The following COMMD1 variants were observed in gnomAD, a reference collection of about 807,000 sequenced individuals.
COMMD1 encodes copper metabolism domain containing 1, also known as COMM domain-containing protein 1.
COMMD1 carries 10 observed loss-of-function variants against 17.2 expected under a neutral mutation model. That is an observed-to-expected ratio of 0.58 (90% CI 0.36 to 0.99). The LOEUF is 0.99. COMMD1 is among the 50% of genes least tolerant of loss of function. The pLI is 0.01. For missense variants in COMMD1, 270 were observed against 231.8 expected (o/e 1.17, Z -1.07); for synonymous variants, 97 against 91.6 (o/e 1.06, Z -0.34).
intron 2 of COMMD1, among the ~76,000 whole-genome samples, chr2:62,067,874 C>A (rs1052006747): frequency 6.6e-6 from 1 of 152,142 alleles, no homozygotes; most frequent in Non-Finnish European, 1.5e-5. Flanking sequence ...CTCAGTATGC[C>A]AAGGTGCCGT....
At chr2:61,941,534 A>G (rs1050931123) in intron 1 of COMMD1, among the ~76,000 whole-genome samples, 11 of 152,240 alleles carry the variant, frequency 7.2e-5, no homozygotes, top group African/African-American at 2.4e-4. Flanking sequence ...TGGCTTGCAT[A>G]TGAAGCATAT....
chr2:61,916,613 G>A (rs1014080640), intron 1 of COMMD1, among the ~76,000 whole-genome samples: 27 of 151,352 alleles, frequency 1.8e-4, no homozygotes, highest in African/African-American at 5.3e-4. Flanking sequence ...TTTTTTTAGC[G>A]ACAGGGTCTC....
At chr2:62,077,219 G>C (rs1671371697) in intron 2 of COMMD1, among the ~76,000 whole-genome samples, 1 of 152,164 alleles carries the variant, frequency 6.6e-6, no homozygotes, top group South Asian at 2.1e-4. Flanking sequence ...GACTTGCTCT[G>C]TTAAATTTGG....
intron 2 of COMMD1, among the ~76,000 whole-genome samples, chr2:62,063,176 C>A (rs920081849): frequency 2.0e-5 from 3 of 152,088 alleles, no homozygotes; most frequent in Non-Finnish European, 4.4e-5. Flanking sequence ...GAGATCGCAC[C>A]ACTGCACTCC....
chr2:61,905,070 GTTATA>G (rs987622437), upstream of COMMD1, among the ~76,000 whole-genome samples: 8 of 152,312 alleles, frequency 5.3e-5, no homozygotes, highest in African/African-American at 1.9e-4. Context: ...TGGGTGGGAA[GTTATA>G]TTAGCTATGC....
intron 1 of COMMD1, among the ~76,000 whole-genome samples, chr2:61,966,627 T>C (rs1671512526): frequency 1.3e-5 from 2 of 152,072 alleles, no homozygotes; most frequent in South Asian, 4.1e-4. Context: ...GAAGCCTTAT[T>C]ATTTTATCAC....
intron 2 of COMMD1, among the ~76,000 whole-genome samples, chr2:62,097,334 C>T (rs1397136436): frequency 6.6e-6 from 1 of 152,070 alleles, no homozygotes; most frequent in Non-Finnish European, 1.5e-5. Context: ...GGGCTATTGC[C>T]TTACGTTTGG....
At chr2:62,102,185 A>G (rs543831711) in intron 2 of COMMD1, among the ~76,000 whole-genome samples, 2 of 152,356 alleles carry the variant, frequency 1.3e-5, no homozygotes, top group East Asian at 3.9e-4. Flanking sequence ...CACCTGAAGT[A>G]TGAAGTCCTA....
intron 2 of COMMD1, among the ~76,000 whole-genome samples, chr2:62,097,724 C>T (rs1672050507): frequency 6.6e-6 from 1 of 152,156 alleles, no homozygotes; most frequent in Non-Finnish European, 1.5e-5. Context: ...TTTGAAACCC[C>T]TACCATTTGG....
At chr2:62,038,705 C>T (rs990584518) in intron 2 of COMMD1, among the ~76,000 whole-genome samples, 3 of 151,980 alleles carry the variant, frequency 2.0e-5, no homozygotes, top group Non-Finnish European at 4.4e-5. Context: ...TACATCACCA[C>T]GCCTGGCTAA....
At chr2:62,034,416 C>A (rs1203603594) in intron 2 of COMMD1, among the ~76,000 whole-genome samples, 1 of 152,124 alleles carries the variant, frequency 6.6e-6, no homozygotes, top group African/African-American at 2.4e-5. Context: ...ATTGCTTGAA[C>A]CCGGGAGGCA....
In COMMD1 at chr2:62,059,042, T is replaced by C. The variant is rs138259256; in HGVS notation, c.462+58060T>C. ...ATCCACCCACCTTATCCTCCCAAAGTGTTGGGATTGCAGGCGTGAGCCACC... is the reference window on the plus strand; with the variant it reads ...ATCCACCCACCTTATCCTCCCAAAGCGTTGGGATTGCAGGCGTGAGCCACC... On this transcript the variant is annotated intron_variant, in intron 2 of 2. Coordinates refer to ENST00000311832, the MANE Select transcript of COMMD1 (RefSeq NM_152516.4). Among the ~76,000 whole-genome samples the C allele has an allele frequency of 8.0e-3, 1,217 of 152,306 alleles. 25 individuals are homozygous for C. Among genetic ancestry groups the C allele is most frequent in the African/African-American group, 0.027 (1,141 of 41,576 alleles).
At chr2:62,054,861 C>T (rs191056029) in intron 2 of COMMD1, among the ~76,000 whole-genome samples, 1 of 151,922 alleles carries the variant, frequency 6.6e-6, no homozygotes, top group Non-Finnish European at 1.5e-5. Flanking sequence ...TAAATTGGTA[C>T]AAATAAAAAG....
intron 1 of COMMD1, among the ~76,000 whole-genome samples, chr2:61,890,967 A>G (rs1669416201): frequency 6.6e-6 from 1 of 152,182 alleles, no homozygotes; most frequent in African/African-American, 2.4e-5. Flanking sequence ...TAGACAACTG[A>G]TGTAATATGT....
rs113550221 is a variant in COMMD1 at position 62,066,086 on chromosome 2, G to A, written c.462+65104G>A. Among the ~76,000 whole-genome samples the A allele has an allele frequency of 7.3e-3, 1,108 of 152,146 alleles. 16 individuals carry two copies. The highest frequency in any genetic ancestry group is 0.025 in the African/African-American group (1,024 of 41,512). On this transcript the variant is annotated intron_variant, in intron 2 of 2. Coordinates refer to ENST00000311832, the MANE Select transcript of COMMD1 (RefSeq NM_152516.4). The stretch of plus-strand genomic sequence containing the variant: ...TACGCAGTGAAACTGGCATTACTGG[G>A]GTTTAATTTGAATTGACTAAGGGTA...
At chr2:62,023,571 C>A (rs1292269714) in intron 2 of COMMD1, among the ~76,000 whole-genome samples, 4 of 152,004 alleles carry the variant, frequency 2.6e-5, no homozygotes, top group Admixed American at 1.3e-4. Flanking sequence ...GCAAGCTTCA[C>A]CTCCTGGGTT....
At chr2:61,947,685 A>C (rs900809585) in intron 1 of COMMD1, among the ~76,000 whole-genome samples, 5 of 151,814 alleles carry the variant, frequency 3.3e-5, no homozygotes, top group African/African-American at 1.2e-4. Context: ...TTGTCTCAAA[A>C]AACAACAAAC....
At chr2:62,099,724 G>A (rs563250795) in intron 2 of COMMD1, among the ~76,000 whole-genome samples, 1 of 152,082 alleles carries the variant, frequency 6.6e-6, no homozygotes, top group Non-Finnish European at 1.5e-5. Context: ...TCAGAGGTCT[G>A]TCACCTCTGA....
chr2:62,019,056 TTCTTTCTCTCTC>T (rs1362922450), intron 2 of COMMD1, among the ~76,000 whole-genome samples: 76 of 111,910 alleles, frequency 6.8e-4, no homozygotes, highest in East Asian at 1.8e-3. Context: ...CTTCCTTCCT[TTCTTTCTCTCTC>T]TCTTTCTCTC....
Sources: allele counts gnomAD v4.1 joint callset (sites outside exome capture counted in the v4.1 genomes callset), GRCh38; gene constraint gnomAD v4.1.1; transcripts MANE v1.5; gene names NCBI Gene and HGNC (gene_info 2026-07-23, HGNC 2026-07-21).